The following SRD5A2 variants were observed in gnomAD, a reference collection of about 807,000 sequenced individuals.
The protein encoded by SRD5A2 is 3-oxo-5-alpha-steroid 4-dehydrogenase 2.
SRD5A2 carries 30 observed loss-of-function variants against 27.4 expected under a neutral mutation model. The ratio of observed to expected loss-of-function variants is 1.10; its 90% CI spans 0.82 to 1.49. SRD5A2 has a LOEUF of 1.49. SRD5A2 is among the 40% of genes most tolerant of loss of function. The probability of loss-of-function intolerance (pLI) is 0.00; values close to 1 mark genes in which losing one functional copy is unlikely to be tolerated. For synonymous variants in SRD5A2, 141 were observed against 133.6 expected, an observed-to-expected ratio of 1.06 and a Z score of -0.38; for missense variants, 348 against 323.4, an observed-to-expected ratio of 1.08 and a Z score of -0.58.
At chr2:31,610,309 G>A in the SRD5A2 span, among the ~76,000 whole-genome samples, 1 of 152,062 alleles carries the variant, frequency 6.6e-6, no homozygotes, top group African/African-American at 2.4e-5. Context: ...TCATCAGGAC[G>A]TTACCAACAT....
the SRD5A2 span, among the ~76,000 whole-genome samples, chr2:31,644,874 T>C: frequency 0.45 from 67,711 of 152,062 alleles, 15,306 homozygotes; most frequent in Non-Finnish European, 0.48. Flanking sequence ...GATGTTTTCA[T>C]ATTTCTCTAA....
At chr2:31,556,236 AATGGG>A (rs1177847703) in intron 1 of SRD5A2, among the ~76,000 whole-genome samples, 1 of 152,226 alleles carries the variant, frequency 6.6e-6, no homozygotes, top group African/African-American at 2.4e-5. Flanking sequence ...CATATTAGAG[AATGGG>A]ATGTGCAGGC....
chr2:31,620,440 C>T, the SRD5A2 span, among the ~76,000 whole-genome samples: 1 of 152,070 alleles, frequency 6.6e-6, no homozygotes, highest in African/African-American at 2.4e-5. Context: ...AAAACCCCAT[C>T]ATCTCAGCAC....
chr2:31,657,528 G>C, the SRD5A2 span, among the ~76,000 whole-genome samples: 1 of 152,082 alleles, frequency 6.6e-6, no homozygotes, highest in Non-Finnish European at 1.5e-5. Flanking sequence ...AGCATTGTGA[G>C]TACAGGTGTG....
At chr2:31,600,708 T>C in the SRD5A2 span, among the ~76,000 whole-genome samples, 1 of 151,906 alleles carries the variant, frequency 6.6e-6, no homozygotes, top group Non-Finnish European at 1.5e-5. Flanking sequence ...AAATGCATTC[T>C]ATGAGGCCAG....
At chr2:31,636,482 C>T in the SRD5A2 span, among the ~76,000 whole-genome samples, 1 of 152,176 alleles carries the variant, frequency 6.6e-6, no homozygotes, top group South Asian at 2.1e-4. Flanking sequence ...TTTCTCTTGT[C>T]TAATTGCTCT....
chr2:31,572,949 G>A (rs1666881554), intron 1 of SRD5A2, among the ~76,000 whole-genome samples: 1 of 152,126 alleles, frequency 6.6e-6, no homozygotes, highest in South Asian at 2.1e-4. Context: ...TAGTAGGACT[G>A]GATAATATGG....
chr2:31,632,380 A>C, the SRD5A2 span, among the ~76,000 whole-genome samples: 1 of 152,220 alleles, frequency 6.6e-6, no homozygotes, highest in Non-Finnish European at 1.5e-5. Context: ...GATTGTCCAA[A>C]TAGAAATAAG....
the SRD5A2 span, among the ~76,000 whole-genome samples, chr2:31,654,046 T>A: frequency 2.0e-5 from 3 of 147,740 alleles, no homozygotes; most frequent in Admixed American, 2.0e-4. Flanking sequence ...AAATCAGGTA[T>A]AAACTAGTGT....
chr2:31,583,909 G>C (rs1228539385), upstream of SRD5A2, among the ~76,000 whole-genome samples: 1 of 152,108 alleles, frequency 6.6e-6, no homozygotes, highest in Non-Finnish European at 1.5e-5. Flanking sequence ...GCTGGAGTGA[G>C]GGGTCAAGGT....
At chr2:31,630,303 G>C in the SRD5A2 span, among the ~76,000 whole-genome samples, 1 of 152,128 alleles carries the variant, frequency 6.6e-6, no homozygotes, top group African/African-American at 2.4e-5. Flanking sequence ...GATACAGAGA[G>C]AGAGAGACAG....
At chr2:31,631,925 C>T in the SRD5A2 span, among the ~76,000 whole-genome samples, 1 of 152,108 alleles carries the variant, frequency 6.6e-6, no homozygotes, top group Non-Finnish European at 1.5e-5. Context: ...CTAAGGAAAA[C>T]TAGGAAGAAG....
At chr2:31,634,243 T>C in the SRD5A2 span, among the ~76,000 whole-genome samples, 2 of 152,094 alleles carry the variant, frequency 1.3e-5, no homozygotes, top group Non-Finnish European at 1.5e-5. Flanking sequence ...TTTAACAGAC[T>C]GGACAGTTTT....
At chr2:31,565,689 T>C (rs1256808980) in intron 1 of SRD5A2, among the ~76,000 whole-genome samples, 2 of 151,892 alleles carry the variant, frequency 1.3e-5, no homozygotes, top group African/African-American at 4.8e-5. Flanking sequence ...CATGTAATAA[T>C]AGACCTTCAA....
chr2:31,588,102 G>A, the SRD5A2 span, among the ~76,000 whole-genome samples: 1 of 151,990 alleles, frequency 6.6e-6, no homozygotes, highest in Non-Finnish European at 1.5e-5. Flanking sequence ...AAAGAATGAA[G>A]CATGCCTACA....
intron 1 of SRD5A2, among the ~76,000 whole-genome samples, chr2:31,538,064 G>A (rs1666061132): frequency 6.6e-6 from 1 of 152,126 alleles, no homozygotes; most frequent in African/African-American, 2.4e-5. Flanking sequence ...ATTATCTATA[G>A]GACAGCAAGT....
At chr2:31,577,702 G>A (rs1048519779) in intron 1 of SRD5A2, among the ~76,000 whole-genome samples, 1 of 152,096 alleles carries the variant, frequency 6.6e-6, no homozygotes, top group African/African-American at 2.4e-5. Context: ...GCAACACACA[G>A]CACGAGATAA....
the SRD5A2 span, among the ~76,000 whole-genome samples, chr2:31,612,163 C>T: frequency 6.6e-6 from 1 of 151,932 alleles, no homozygotes; most frequent in Non-Finnish European, 1.5e-5. Context: ...TGCCTGCAGT[C>T]CCAGTTACAT....
At position 31,580,854 on chromosome 2, in the gene SRD5A2, G is replaced by C. The variant is rs546321679; in HGVS notation, c.47C>G (p.Thr16Ser). 1.2e-5 allele frequency: 19 copies of C among 1,611,518 alleles called. No individual in the cohort carries two copies. Among genetic ancestry groups the C allele is most frequent in the East Asian group, 8.9e-5 (4 of 44,842 alleles). The change falls in exon 1 of 5, where the codon ACT (threonine) becomes AGT (serine). Residue 16 changes from threonine (T) to serine (S), a missense_variant. Coordinates refer to ENST00000622030, the MANE Select transcript of SRD5A2 (RefSeq NM_000348.4). ...QQSPVLAGSA[T>S]LVALGALALY... Reference sequence around the variant, plus strand: ...GGCCAGTGCCCCAAGGGCGACCAAAGTGGCGCTGCCTGCCAGCACTGGGCT... The same window carrying C: ...GGCCAGTGCCCCAAGGGCGACCAAACTGGCGCTGCCTGCCAGCACTGGGCT...
Sources: gnomAD v4.1 joint callset for allele counts (sites outside exome capture counted in the v4.1 genomes callset) on GRCh38, gnomAD v4.1.1 for gene constraint, MANE v1.5 for transcripts, NCBI Gene and HGNC (gene_info 2026-07-23, HGNC 2026-07-21) for gene names.